The following ASTN2 variants were observed in gnomAD, a reference collection of about 807,000 sequenced individuals.
ASTN2 encodes astrotactin-2.
ASTN2 carries 54 observed loss-of-function variants against 139.8 expected under a neutral mutation model. The observed-to-expected ratio is 0.39, with a 90% CI of 0.31 to 0.48. The LOEUF is 0.48. Ranked by LOEUF, ASTN2 falls within the 20% of genes least tolerant of loss-of-function variation. The pLI, the probability that ASTN2 is intolerant of heterozygous loss-of-function variation, is 0.95. For synonymous variants in ASTN2, 756 were observed against 719.5 expected (o/e 1.05, Z -0.81); for missense variants, 1,565 against 1,725.1 (o/e 0.91, Z 1.64).
chr9:117,117,145 G>T (rs955402053), intron 4 of ASTN2, among the ~76,000 whole-genome samples: 2 of 152,032 alleles, frequency 1.3e-5, no homozygotes, highest in African/African-American at 2.4e-5. Context: ...ACAGAGAGGG[G>T]CTCATCTTTG....
At chr9:116,707,132 A>G (rs1390542054) in intron 16 of ASTN2, among the ~76,000 whole-genome samples, 1 of 151,782 alleles carries the variant, frequency 6.6e-6, no homozygotes, top group African/African-American at 2.4e-5. Context: ...GTCATACCCT[A>G]TGCAATATGC....
At chr9:116,802,087 T>C (rs1412324158) in intron 13 of ASTN2, among the ~76,000 whole-genome samples, 30 of 9,626 alleles carry the variant, frequency 3.1e-3, no homozygotes, top group East Asian at 0.027. Flanking sequence ...TTCTTTCTTT[T>C]TTTTTTTTTT....
chr9:117,274,510 A>C (rs1257214760), intron 2 of ASTN2, among the ~76,000 whole-genome samples: 4 of 152,218 alleles, frequency 2.6e-5, no homozygotes, highest in Non-Finnish European at 4.4e-5. Flanking sequence ...ATTATGTGCC[A>C]GGCACTCTCC....
At chr9:116,697,773 C>G (rs1860941241) in intron 16 of ASTN2, 1 of 1,613,980 alleles carries the variant, frequency 6.2e-7, no homozygotes, top group Admixed American at 1.7e-5. Flanking sequence ...TCACCTGAAC[C>G]TGGATGCCCT....
chr9:116,643,316 G>C (rs961102334), intron 17 of ASTN2, among the ~76,000 whole-genome samples: 2 of 152,118 alleles, frequency 1.3e-5, no homozygotes, highest in African/African-American at 4.8e-5. Flanking sequence ...ACCGGGGTTT[G>C]GCAAACCTTT....
At chr9:116,812,640 A>G (rs1421149834) in intron 12 of ASTN2, among the ~76,000 whole-genome samples, 1 of 152,198 alleles carries the variant, frequency 6.6e-6, no homozygotes, top group Non-Finnish European at 1.5e-5. Context: ...AGGAAATGTG[A>G]GACACTCACA....
At chr9:116,975,071 G>T in intron 10 of ASTN2, 137 bp downstream of exon 10, 1 of 849,728 alleles carries the variant, frequency 1.2e-6, no homozygotes, top group Non-Finnish European at 1.7e-6. Context: ...GAGTTTAGGA[G>T]CATGGCATAT....
chr9:117,109,941 C>A (rs1276937614), intron 4 of ASTN2, among the ~76,000 whole-genome samples: 4 of 152,104 alleles, frequency 2.6e-5, no homozygotes, highest in Non-Finnish European at 5.9e-5. Flanking sequence ...AATTTCCCTG[C>A]TCTTTTTAAT....
chr9:116,722,033 A>G (rs1451947076), intron 16 of ASTN2, among the ~76,000 whole-genome samples: 1 of 152,210 alleles, frequency 6.6e-6, no homozygotes, highest in Non-Finnish European at 1.5e-5. Context: ...GTTGATCAGA[A>G]TTGGCACATG....
intron 22 of ASTN2, among the ~76,000 whole-genome samples, chr9:116,427,684 A>C (rs1250872548): frequency 6.6e-6 from 1 of 152,260 alleles, no homozygotes. Context: ...GCTTATGTGT[A>C]TACATTTTGT....
intron 3 of ASTN2, chr9:117,181,017 C>T: frequency 6.3e-7 from 1 of 1,588,714 alleles, no homozygotes; most frequent in East Asian, 2.2e-5. Context: ...CTGTTTGGAG[C>T]CTGCACTGGG....
At chr9:116,488,833 A>G (rs977407793) in intron 19 of ASTN2, among the ~76,000 whole-genome samples, 1 of 152,218 alleles carries the variant, frequency 6.6e-6, no homozygotes, top group Non-Finnish European at 1.5e-5. Context: ...ATTATCTTCA[A>G]TAAACATATA....
chr9:117,356,671 C>A (rs1210600384), intron 1 of ASTN2, among the ~76,000 whole-genome samples: 1 of 151,848 alleles, frequency 6.6e-6, no homozygotes, highest in East Asian at 1.9e-4. Flanking sequence ...TAGAGTATGT[C>A]AAAAATGGTT....
chr9:117,310,857 C>T (rs1827953500), intron 1 of ASTN2, among the ~76,000 whole-genome samples: 1 of 152,148 alleles, frequency 6.6e-6, no homozygotes, highest in South Asian at 2.1e-4. Context: ...TTACTGGGCT[C>T]AAGCAATCTT....
chr9:116,716,491 C>T (rs948988527), intron 16 of ASTN2, among the ~76,000 whole-genome samples: 1 of 152,156 alleles, frequency 6.6e-6, no homozygotes, highest in Admixed American at 6.5e-5. Flanking sequence ...AAGCTGACCT[C>T]ATCTTTCCCA....
chr9:116,640,417 A>G (rs918440434), intron 17 of ASTN2, among the ~76,000 whole-genome samples: 43 of 152,240 alleles, frequency 2.8e-4, no homozygotes, highest in African/African-American at 9.9e-4. Flanking sequence ...GAGACCCAAG[A>G]AAGTAAGTGA....
intron 3 of ASTN2, chr9:117,180,807 T>G: frequency 1.3e-6 from 2 of 1,543,678 alleles, no homozygotes; most frequent in Non-Finnish European, 1.8e-6. Flanking sequence ...TGTCTTCAAA[T>G]TCATCAACAT....
intron 19 of ASTN2, among the ~76,000 whole-genome samples, chr9:116,599,769 A>G (rs1281446569): frequency 6.6e-6 from 1 of 152,194 alleles, no homozygotes; most frequent in Non-Finnish European, 1.5e-5. Context: ...AAGTTCATCA[A>G]TAATGTCTGA....
At chr9:116,620,748 T>C (rs889744345) in intron 17 of ASTN2, among the ~76,000 whole-genome samples, 3 of 149,330 alleles carry the variant, frequency 2.0e-5, no homozygotes, top group Non-Finnish European at 4.5e-5. Flanking sequence ...CCTCACACAA[T>C]AGATATTATT....
Sources: gnomAD v4.1 joint callset for allele counts (sites outside exome capture counted in the v4.1 genomes callset) on GRCh38, gnomAD v4.1.1 for gene constraint, MANE v1.5 for transcripts, NCBI Gene and HGNC (gene_info 2026-07-23, HGNC 2026-07-21) for gene names.